The following SOCS5 variants were observed in gnomAD, a reference collection of about 807,000 sequenced individuals.
SOCS5 encodes the protein CIS-6.
In SOCS5, 32 loss-of-function variants were observed where a neutral mutation model predicts 42.8. The observed-to-expected ratio is 0.75, with a 90% CI of 0.56 to 1.01. The LOEUF is 1.01. SOCS5 is among the 50% of genes least tolerant of loss of function. The probability of loss-of-function intolerance (pLI) is 0.00; values close to 1 mark genes in which losing one functional copy is unlikely to be tolerated. For synonymous variants in SOCS5, 283 were observed against 229.6 expected, an observed-to-expected ratio of 1.23 and a Z score of -2.10; for missense variants, 627 against 653.0, an observed-to-expected ratio of 0.96 and a Z score of 0.43.
Position 46,699,636 on chromosome 2 carries a change from T to C in SOCS5, c.-13+187T>C, listed in dbSNP as rs1379586876. 1.3e-5 allele frequency among the ~76,000 whole-genome samples: 2 copies of C among 152,042 alleles called. No individual in the cohort carries two copies. The highest frequency in any genetic ancestry group is 4.8e-5 in the African/African-American group (2 of 41,434). ...ATGGGCTGGCCGGGAAAAGGACTGC[T>C]AGCCCGGGCCGCGAGCCCCGTGCAG... On this transcript the variant is annotated intron_variant, in intron 1 of 1. Coordinates refer to ENST00000394861, the MANE Select transcript of SOCS5 (RefSeq NM_144949.3). This position sits in a 1 kb window ranked among gnomAD's most constrained non-coding sequence, Gnocchi z 4.8.
At chr2:46,727,834 C>T (rs1414242530) in intron 1 of SOCS5, among the ~76,000 whole-genome samples, 1 of 152,128 alleles carries the variant, frequency 6.6e-6, no homozygotes, top group African/African-American at 2.4e-5. Context: ...TTTCTGCTGC[C>T]GACCTCTTTT....
chr2:46,729,718 C>T (rs759222948), intron 1 of SOCS5, among the ~76,000 whole-genome samples: 1 of 152,176 alleles, frequency 6.6e-6, no homozygotes, highest in Non-Finnish European at 1.5e-5. Context: ...AGGCCTAGAA[C>T]ATTACTGTAT....
chr2:46,714,446 A>T (rs533549788), intron 1 of SOCS5, among the ~76,000 whole-genome samples: 1 of 152,172 alleles, frequency 6.6e-6, no homozygotes, highest in Non-Finnish European at 1.5e-5. Context: ...GTCTGATACA[A>T]ACTTTTCTTT....
At chr2:46,725,524 G>A (rs999479455) in intron 1 of SOCS5, among the ~76,000 whole-genome samples, 1 of 152,170 alleles carries the variant, frequency 6.6e-6, no homozygotes, top group Admixed American at 6.5e-5. Context: ...ACCTAAGTGA[G>A]TTGTAGAAAT....
intron 1 of SOCS5, among the ~76,000 whole-genome samples, chr2:46,731,656 C>T (rs1202302535): frequency 2.6e-5 from 4 of 152,170 alleles, no homozygotes; most frequent in Non-Finnish European, 5.9e-5. Context: ...ACATATACCA[C>T]AGAAACCAGC....
intron 1 of SOCS5, among the ~76,000 whole-genome samples, chr2:46,748,997 G>C (rs1171649138): frequency 6.6e-6 from 1 of 152,166 alleles, no homozygotes; most frequent in African/African-American, 2.4e-5. Context: ...GTTTTACTTT[G>C]TTGGTATTTT....
chr2:46,751,577 A>G (rs1673623417), intron 1 of SOCS5, among the ~76,000 whole-genome samples: 1 of 152,136 alleles, frequency 6.6e-6, no homozygotes. Context: ...AGTGAGGGTT[A>G]GATTTTTTAA....
At chr2:46,753,633 C>T (rs1311690091) in intron 1 of SOCS5, among the ~76,000 whole-genome samples, 2 of 152,104 alleles carry the variant, frequency 1.3e-5, no homozygotes, top group Non-Finnish European at 2.9e-5. Context: ...TAAGAAAGCA[C>T]AGGAATAAAA....
At chr2:46,744,417 A>G (rs1673453323) in intron 1 of SOCS5, among the ~76,000 whole-genome samples, 1 of 152,168 alleles carries the variant, frequency 6.6e-6, no homozygotes, top group South Asian at 2.1e-4. Context: ...CCAAAATAAT[A>G]CAAACCACAT....
intron 1 of SOCS5, among the ~76,000 whole-genome samples, chr2:46,725,584 C>G (rs1012550501): frequency 2.0e-5 from 3 of 152,012 alleles, no homozygotes; most frequent in Non-Finnish European, 4.4e-5. Flanking sequence ...GTTGTATTGT[C>G]TTTTATATTA....
rs554254234 is a variant in SOCS5, at chr2:46,758,812, C to T, written c.282C>T (p.Ile94=). The T allele has an allele frequency of 1.5e-5, 25 of 1,614,102 alleles. No individual in the cohort carries two copies. In the East Asian group the frequency reaches 4.7e-4, roughly 30 times the overall value. Reference sequence around the variant, plus strand: ...TCCCTCAAATTGTTGAAATAAGCATCGAAAAGGATAATGATTCTTGTGTTA... The same window carrying T: ...TCCCTCAAATTGTTGAAATAAGCATTGAAAAGGATAATGATTCTTGTGTTA... ...TEIPQIVEIS[I]EKDNDSCVTP... is the part of the protein sequence containing the mutation. Residue 94 remains isoleucine (I), a synonymous_variant, in exon 2 of 2, where the codon ATC becomes ATT. Transcript: ENST00000394861.
chr2:46,704,326 T>C (rs1672411621), intron 1 of SOCS5, among the ~76,000 whole-genome samples: 1 of 152,194 alleles, frequency 6.6e-6, no homozygotes, highest in South Asian at 2.1e-4. Context: ...TTCAAGCAAT[T>C]TTAAAGGGTG....
In SOCS5 at chr2:46,762,124, T is replaced by A. The variant is rs755097834; in HGVS notation, c.*1983T>A. 6.0e-6 allele frequency: 1 copy of A among 167,042 alleles called. No homozygotes were observed. The allele number at this position is 167,042 out of a possible 1,614,324, so 10.3% of individuals were successfully genotyped here. On this transcript the variant is annotated 3_prime_UTR_variant, in exon 2 of 2. Transcript: ENST00000394861. ...GCAAAATGGGGATTGAAGGGACTTA[T>A]AATTTCTGTTGTTTCTAATTAAAGT...
At chr2:46,720,395 T>C (rs1672852359) in intron 1 of SOCS5, among the ~76,000 whole-genome samples, 1 of 152,222 alleles carries the variant, frequency 6.6e-6, no homozygotes. Context: ...AAAACTTTAA[T>C]AACAAACTGT....
intron 1 of SOCS5, among the ~76,000 whole-genome samples, chr2:46,742,674 C>T (rs1029438135): frequency 2.0e-5 from 3 of 150,870 alleles, no homozygotes; most frequent in African/African-American, 7.3e-5. Context: ...TTTACTACTT[C>T]TTTTTTTTTG....
intron 1 of SOCS5, among the ~76,000 whole-genome samples, chr2:46,703,536 A>C (rs1284749495): frequency 6.6e-6 from 1 of 152,234 alleles, no homozygotes; most frequent in East Asian, 1.9e-4. Context: ...TACATAATCT[A>C]ATCATGTGAA....
chr2:46,730,445 A>G (rs755928291), intron 1 of SOCS5, among the ~76,000 whole-genome samples: 1 of 152,128 alleles, frequency 6.6e-6, no homozygotes, highest in African/African-American at 2.4e-5. Flanking sequence ...TACTAAAAAT[A>G]CAAAATTAGC....
intron 1 of SOCS5, among the ~76,000 whole-genome samples, chr2:46,724,446 C>T (rs576734357): frequency 6.6e-6 from 1 of 151,754 alleles, no homozygotes; most frequent in Non-Finnish European, 1.5e-5. Context: ...TTTTTTTCTT[C>T]TAGCTTCTTA....
intron 1 of SOCS5, among the ~76,000 whole-genome samples, chr2:46,720,392 T>C (rs893245361): frequency 6.0e-4 from 92 of 152,328 alleles, no homozygotes; most frequent in Non-Finnish European, 4.6e-4. Context: ...GGTAAAACTT[T>C]AATAACAAAC....
Sources: gnomAD v4.1 joint callset for allele counts (sites outside exome capture counted in the v4.1 genomes callset) on GRCh38, gnomAD v4.1.1 for gene constraint, Gnocchi (gnomAD v3.1) non-coding constraint, MANE v1.5 for transcripts, NCBI Gene and HGNC (gene_info 2026-07-23, HGNC 2026-07-21) for gene names.